The following MOB3B variants were observed in gnomAD, a reference collection of about 807,000 sequenced individuals.
MOB3B encodes the protein MOB kinase activator 3B.
Under a neutral mutation model 18.7 loss-of-function variants are expected in MOB3B, and 7 were observed. The ratio of observed to expected loss-of-function variants is 0.37; its 90% confidence interval spans 0.21 to 0.70. The LOEUF is 0.70. Ranked by LOEUF, MOB3B falls within the 30% of genes least tolerant of loss-of-function variation. MOB3B has a pLI of 0.52. For synonymous variants in MOB3B, 111 were observed against 99.9 expected (o/e 1.11, Z -0.66); for missense variants, 253 against 281.3 (o/e 0.90, Z 0.72).
At position 27,482,666 on chromosome 9, in the gene MOB3B, T is replaced by G. The variant is rs1268098671; in HGVS notation, c.-198-26918A>C. Among the ~76,000 whole-genome samples, 3 of 152,176 alleles carry G rather than the reference T, an allele frequency of 2.0e-5. 1 individual carries two copies. The highest frequency in any genetic ancestry group is 4.1e-4 in the South Asian group (2 of 4,824). On this transcript the variant is annotated intron_variant, in intron 1 of 3. Transcript: ENST00000262244. ...CGTGCTGGTGGCCTGCCCAGATGTC[T>G]TTATCTCCCCATCTGTACTTCCCAC...
intron 2 of MOB3B, among the ~76,000 whole-genome samples, chr9:27,413,314 T>C (rs1229256902): frequency 6.6e-6 from 1 of 152,044 alleles, no homozygotes. Flanking sequence ...TCATTCTCGT[T>C]ACTGAAATGG....
At chr9:27,492,816 A>G (rs1442598974) in intron 1 of MOB3B, among the ~76,000 whole-genome samples, 5 of 152,192 alleles carry the variant, frequency 3.3e-5, no homozygotes, top group Admixed American at 6.5e-5. Flanking sequence ...TGGGTACTGC[A>G]GGGGAAAGGG....
intron 2 of MOB3B, among the ~76,000 whole-genome samples, chr9:27,415,703 C>T (rs2131406068): frequency 1.3e-5 from 2 of 152,272 alleles, no homozygotes; most frequent in African/African-American, 4.8e-5. Flanking sequence ...TTCTCACTTC[C>T]AAATGGAAAA....
intron 2 of MOB3B, among the ~76,000 whole-genome samples, chr9:27,377,517 A>G (rs1821506692): frequency 6.6e-6 from 1 of 152,170 alleles, no homozygotes; most frequent in Non-Finnish European, 1.5e-5. Context: ...GTGTTCTCAA[A>G]CGGGAGCCCT....
In MOB3B at chr9:27,406,845, C is replaced by CT. The variant is rs879366559; in HGVS notation, c.419-47610dup. On this transcript the variant is annotated intron_variant, in intron 2 of 3. Transcript: ENST00000262244. ...TGGTCTGGCCAAGATTTCTTTTTTTCTTTTTTTTTTTTAGATGGATTTTGC... is the reference window on the plus strand; with the variant it reads ...TGGTCTGGCCAAGATTTCTTTTTTTCTTTTTTTTTTTTTAGATGGATTTTGC... 3.1e-3 allele frequency among the ~76,000 whole-genome samples: 451 copies of CT among 143,914 alleles called. 1 individual carries two copies. Among genetic ancestry groups the CT allele is most frequent in the African/African-American group, 9.7e-3 (384 of 39,542 alleles). 94.4% of individuals were successfully genotyped at this position (143,914 alleles called of 152,430 possible).
chr9:27,447,436 G>A (rs1822725), intron 2 of MOB3B, among the ~76,000 whole-genome samples: 131,892 of 152,206 alleles, frequency 0.87, 57,300 homozygotes, highest in Middle Eastern at 0.93. Context: ...GCCTTTGTTT[G>A]TAATCTCTGG....
intron 1 of MOB3B, among the ~76,000 whole-genome samples, chr9:27,480,091 T>G (rs576533296): frequency 1.3e-5 from 2 of 151,056 alleles, no homozygotes; most frequent in South Asian, 4.1e-4. Context: ...AGCATTCATA[T>G]TATTCATATA....
chr9:27,362,100 T>C (rs1821282939), intron 2 of MOB3B, among the ~76,000 whole-genome samples: 1 of 152,208 alleles, frequency 6.6e-6, no homozygotes, highest in Non-Finnish European at 1.5e-5. Flanking sequence ...TCTCTGCCAC[T>C]GCTCAGCTCA....
intron 1 of MOB3B, among the ~76,000 whole-genome samples, chr9:27,468,722 CTG>C (rs1819425546): frequency 2.0e-5 from 3 of 152,184 alleles, no homozygotes. Context: ...TGTGGTTAAA[CTG>C]TGTATCTAAA....
chr9:27,397,296 T>C (rs570095250), intron 2 of MOB3B: 1 of 150,464 alleles, frequency 6.6e-6, no homozygotes, highest in African/African-American at 2.4e-5. Context: ...TTTACAGAAG[T>C]GGCAAAGAGA....
chr9:27,524,226 T>G, intron 1 of MOB3B: 2 of 1,089,578 alleles, frequency 1.8e-6, no homozygotes, highest in Non-Finnish European at 2.5e-6. Context: ...AAATGACGAA[T>G]GAGAAAACTC....
At chr9:27,409,938 A>G (rs10115753) in intron 2 of MOB3B, among the ~76,000 whole-genome samples, 5,821 of 152,110 alleles carry the variant, frequency 0.038, 321 homozygotes, top group African/African-American at 0.13. Context: ...GGTGGGGATG[A>G]AGAGTCATTA....
chr9:27,466,773 A>G (rs539723028), intron 1 of MOB3B, among the ~76,000 whole-genome samples: 7 of 152,282 alleles, frequency 4.6e-5, no homozygotes, highest in African/African-American at 1.7e-4. Context: ...TATCACAAGA[A>G]TAGCACGGGA....
chr9:27,326,113 G>A lies in MOB3B; in HGVS notation c.*4474C>T, dbSNP rs1820708023. ...TTAAAATAGAAAACCTATAAATGTA[G>A]AAAAAGCAGGTCTGGACTTAGCAAA... On this transcript the variant is annotated 3_prime_UTR_variant, in exon 4 of 4. Coordinates refer to ENST00000262244, the MANE Select transcript of MOB3B (RefSeq NM_024761.5). 1 of 190,972 alleles carries A rather than the reference G, an allele frequency of 5.2e-6. No homozygotes were observed. The highest frequency in any genetic ancestry group is 6.1e-5 in the Admixed American group (1 of 16,422). 11.8% of individuals were successfully genotyped at this position (190,972 alleles called of 1,614,324 possible). A position where few individuals can be genotyped will look rare whatever the true frequency, so the allele number is the denominator to read the frequency against.
chr9:27,448,117 A>G (rs1481862616), intron 2 of MOB3B, among the ~76,000 whole-genome samples: 1 of 152,138 alleles, frequency 6.6e-6, no homozygotes, highest in African/African-American at 2.4e-5. Context: ...CTGGGGTAAG[A>G]ACACCACAGA....
intron 2 of MOB3B, among the ~76,000 whole-genome samples, chr9:27,401,990 A>G (rs1206159334): frequency 6.6e-6 from 1 of 152,266 alleles, no homozygotes; most frequent in Non-Finnish European, 1.5e-5. Flanking sequence ...TAGAGAATAC[A>G]GCACAGAACC....
At chr9:27,499,313 T>C (rs775068488) in intron 1 of MOB3B, among the ~76,000 whole-genome samples, 20 of 152,320 alleles carry the variant, frequency 1.3e-4, no homozygotes, top group Admixed American at 4.6e-4. Context: ...TGTCTCTTTA[T>C]GATTCAACAA....
chr9:27,356,749 T>A (rs1821195311), intron 3 of MOB3B, among the ~76,000 whole-genome samples: 1 of 152,104 alleles, frequency 6.6e-6, no homozygotes, highest in African/African-American at 2.4e-5. Flanking sequence ...TCCAGGAGAT[T>A]GCAGTGGTTT....
chr9:27,448,793 T>C (rs775326546), intron 2 of MOB3B, among the ~76,000 whole-genome samples: 5 of 152,172 alleles, frequency 3.3e-5, no homozygotes, highest in South Asian at 2.1e-4. Flanking sequence ...CACAGGTGGA[T>C]TGAATTTCCA....
Sources: allele counts gnomAD v4.1 joint callset (sites outside exome capture counted in the v4.1 genomes callset), GRCh38; gene constraint gnomAD v4.1.1; transcripts MANE v1.5; gene names NCBI Gene and HGNC (gene_info 2026-07-23, HGNC 2026-07-21).